MIA2: variants seen among roughly 807,000 people sequenced by gnomAD.
The protein encoded by MIA2 is melanoma inhibitory activity protein 2.
A neutral mutation model predicts 167.8 loss-of-function variants in MIA2; 127 were observed. The ratio of observed to expected loss-of-function variants is 0.76; its 90% CI spans 0.66 to 0.88. The LOEUF is 0.88. MIA2 is among the 40% of genes least tolerant of loss of function. The probability of loss-of-function intolerance (pLI) is 0.00; values close to 1 mark genes in which losing one functional copy is unlikely to be tolerated. For missense variants in MIA2, 1,690 were observed against 1,624.7 expected (o/e 1.04, Z -0.69); for synonymous variants, 552 against 541.9 (o/e 1.02, Z -0.26).
At chr14:39,256,897 G>A (rs2054839231) in intron 6 of MIA2, among the ~76,000 whole-genome samples, 1 of 152,142 alleles carries the variant, frequency 6.6e-6, no homozygotes, top group Non-Finnish European at 1.5e-5. Flanking sequence ...ACTTATCTGA[G>A]CTTTAACGGT....
intron 12 of MIA2, 47 bp downstream of exon 12, chr14:39,294,118 T>G (rs751879419): frequency 7.4e-7 from 1 of 1,354,792 alleles, no homozygotes; most frequent in Admixed American, 2.1e-5. Flanking sequence ...GAAATAATTT[T>G]AGTTTAATTT....
intron 23 of MIA2, chr14:39,370,644 C>T (rs199547726): frequency 3.9e-5 from 12 of 310,750 alleles, no homozygotes; most frequent in Non-Finnish European, 7.2e-5. Context: ...CTCTGCTGCC[C>T]GAGTCTGTCG....
At chr14:39,254,203 G>T (rs543610632) in intron 6 of MIA2, among the ~76,000 whole-genome samples, 2 of 152,270 alleles carry the variant, frequency 1.3e-5, no homozygotes, top group African/African-American at 4.8e-5. Flanking sequence ...GCCAGACAAA[G>T]AAAGGATAGG....
chr14:39,279,482 G>A lies in MIA2; in HGVS notation c.2075G>A (p.Gly692Glu). 6.2e-7 allele frequency: 1 copy of A among 1,609,634 alleles called. No individual in the cohort carries two copies. Among genetic ancestry groups the A allele is most frequent in the Non-Finnish European group, 8.5e-7 (1 of 1,179,202 alleles). Residue 692 changes from glycine (G) to glutamate (E), a missense_variant, in exon 9 of 29, where the codon GGA becomes GAA. Coordinates refer to ENST00000640607, the MANE Select transcript of MIA2 (RefSeq NM_001329214.4). ...AAAAAGCTTGCTCTAATGCTTTCTG[G>A]ACTAATTGAAGAAAAAAGTAAACTA... The part of the protein sequence containing the change: ...REKKLALMLS[G>E]LIEEKSKLLE...
At chr14:39,326,812 A>G in intron 24 of MIA2, 52 bp from the exon 25 acceptor site, 1 of 1,509,722 alleles carries the variant, frequency 6.6e-7, no homozygotes, top group South Asian at 1.3e-5. Context: ...AAACAAGTAT[A>G]TAAGACTTTT....
intron 18 of MIA2, 74 bp downstream of exon 18, chr14:39,308,661 A>G (rs2063736870): frequency 8.6e-7 from 1 of 1,159,234 alleles, no homozygotes; most frequent in Non-Finnish European, 1.2e-6. Context: ...ATAGTTAGCT[A>G]TAGTGATTAT....
At chr14:39,260,362 GC>G (rs1386750962) in intron 6 of MIA2, among the ~76,000 whole-genome samples, 1 of 152,178 alleles carries the variant, frequency 6.6e-6, no homozygotes, top group Non-Finnish European at 1.5e-5. Flanking sequence ...ATCCTCTCCA[GC>G]ACCTGTTGTT....
At chr14:39,255,283 C>A (rs1446670314) in intron 6 of MIA2, among the ~76,000 whole-genome samples, 4 of 151,980 alleles carry the variant, frequency 2.6e-5, no homozygotes, top group African/African-American at 9.7e-5. Context: ...CAAAGTGGGC[C>A]GATCAGTTGA....
chr14:39,267,642 C>T, intron 6 of MIA2: 1 of 1,176,084 alleles, frequency 8.5e-7, no homozygotes, highest in Non-Finnish European at 1.2e-6. Flanking sequence ...GAAGCCAGTC[C>T]TCGTCTGCTG....
intron 18 of MIA2, among the ~76,000 whole-genome samples, chr14:39,310,478 A>C (rs756180562): frequency 6.6e-6 from 1 of 152,182 alleles, no homozygotes; most frequent in Admixed American, 6.5e-5. Flanking sequence ...TTAACAATAT[A>C]TATTAAAGAA....
intron 21 of MIA2, among the ~76,000 whole-genome samples, chr14:39,317,460 A>T (rs2065684089): frequency 6.6e-6 from 1 of 152,172 alleles, no homozygotes; most frequent in African/African-American, 2.4e-5. Context: ...GATAGAACCC[A>T]GGCTGGCTGA....
intron 23 of MIA2, among the ~76,000 whole-genome samples, chr14:39,360,669 C>T (rs2074662666): frequency 6.6e-6 from 1 of 151,972 alleles, no homozygotes; most frequent in Non-Finnish European, 1.5e-5. Context: ...TATTATAGTC[C>T]CATCTGTCCA....
At chr14:39,262,867 T>C (rs1015427879) in intron 6 of MIA2, among the ~76,000 whole-genome samples, 2 of 152,174 alleles carry the variant, frequency 1.3e-5, no homozygotes, top group Admixed American at 6.5e-5. Flanking sequence ...ATTGATTTTG[T>C]ATCCTGAGAC....
At position 39,267,605 on chromosome 14, in the gene MIA2, G is replaced by A. The variant is rs1200621437; in HGVS notation, c.1888-9329G>A. ...AAGGAAGCAGTAGACCGGCTTTGGGGTCTAAGCCGCCGTGGTCAGAGGTCC... is the reference window on the plus strand; with the variant it reads ...AAGGAAGCAGTAGACCGGCTTTGGGATCTAAGCCGCCGTGGTCAGAGGTCC... On this transcript the variant is annotated intron_variant, in intron 6 of 28. Coordinates refer to ENST00000640607, the MANE Select transcript of MIA2 (RefSeq NM_001329214.4). The A allele has an allele frequency of 2.6e-6, 4 of 1,517,796 alleles. No individual in the cohort carries two copies. In the Admixed American group the frequency reaches 5.8e-5, roughly 22 times the overall value. 94.0% of individuals were successfully genotyped at this position (1,517,796 alleles called of 1,614,324 possible). A position where few individuals can be genotyped will look rare whatever the true frequency, so the allele number is the denominator to read the frequency against.
At chr14:39,308,106 T>G (rs1343005023) in intron 17 of MIA2, among the ~76,000 whole-genome samples, 2 of 152,164 alleles carry the variant, frequency 1.3e-5, no homozygotes, top group Non-Finnish European at 2.9e-5. Context: ...ATATTGTTAT[T>G]TTTGAATAGC....
intron 6 of MIA2, among the ~76,000 whole-genome samples, chr14:39,264,917 T>C (rs117149156): frequency 1.3e-5 from 2 of 152,342 alleles, no homozygotes; most frequent in Non-Finnish European, 2.9e-5. Context: ...TGTTCTAACA[T>C]CTGCTTTAAA....
intron 6 of MIA2, among the ~76,000 whole-genome samples, chr14:39,272,986 T>C (rs1052222656): frequency 6.6e-6 from 1 of 152,252 alleles, no homozygotes; most frequent in Non-Finnish European, 1.5e-5. Flanking sequence ...CTGATTTTTC[T>C]ATGTTGATTT....
chr14:39,353,067 G>A (rs2074431630), downstream of MIA2, among the ~76,000 whole-genome samples: 1 of 151,714 alleles, frequency 6.6e-6, no homozygotes, highest in African/African-American at 2.4e-5. Context: ...TTCTTTTATT[G>A]GCACATAATA....
intron 9 of MIA2, among the ~76,000 whole-genome samples, chr14:39,284,515 C>T (rs10138024): frequency 0.27 from 41,005 of 151,684 alleles, 5,682 homozygotes; most frequent in East Asian, 0.5. Context: ...CTCAGAATTG[C>T]TTTGACTATT....
Sources: allele counts gnomAD v4.1 joint callset (sites outside exome capture counted in the v4.1 genomes callset), GRCh38; gene constraint gnomAD v4.1.1; transcripts MANE v1.5; gene names NCBI Gene and HGNC (gene_info 2026-07-23, HGNC 2026-07-21).